The following DIP2A variants were observed in gnomAD, a reference collection of about 807,000 sequenced individuals.
DIP2A encodes the protein disco-interacting protein 2 homolog A.
Under a neutral mutation model 177.4 loss-of-function variants are expected in DIP2A, and 85 were observed. That is an observed-to-expected ratio of 0.48 (90% CI 0.40 to 0.57). The LOEUF is 0.57. Among genes scored for constraint, DIP2A ranks in the 20% least tolerant of loss-of-function variants. The probability of loss-of-function intolerance (pLI) is 0.00; values close to 1 mark genes in which losing one functional copy is unlikely to be tolerated. For synonymous variants in DIP2A, 886 were observed against 881.8 expected, an observed-to-expected ratio of 1.00 and a Z score of -0.08; for missense variants, 1,791 against 2,100.2, an observed-to-expected ratio of 0.85 and a Z score of 2.88.
At chr21:46,547,183 A>G (rs2060087400) in intron 21 of DIP2A, 141 bp downstream of exon 21, 15 of 1,432,372 alleles carry the variant, frequency 1.0e-5, no homozygotes, top group Non-Finnish European at 1.2e-5. Flanking sequence ...CTCCTAAAGT[A>G]AAAGGAAAAT....
At chr21:46,474,168 ACT>A (rs1250622606) in intron 1 of DIP2A, among the ~76,000 whole-genome samples, 2 of 152,062 alleles carry the variant, frequency 1.3e-5, no homozygotes, top group Non-Finnish European at 2.9e-5. Flanking sequence ...GTCTAGGGTG[ACT>A]CTGGAGTTTC....
rs975388284 is a variant in DIP2A at position 46,511,354 on chromosome 21, A to G, written c.905-63A>G. On this transcript the variant is annotated intron_variant, in intron 7 of 37. Coordinates refer to ENST00000417564, the MANE Select transcript of DIP2A (RefSeq NM_015151.4). ...ACAATATTATAAACTATGAATGCTT[A>G]AAAACAGAATGTGTTCGTGGTGCTC... 5 of 1,477,962 alleles carry G rather than the reference A, an allele frequency of 3.4e-6. No homozygotes were observed. The African/African-American group carries it at 7.1e-5, about 21-fold the overall frequency. 91.6% of individuals were successfully genotyped at this position (1,477,962 alleles called of 1,614,324 possible). A position where few individuals can be genotyped will look rare whatever the true frequency, so the allele number is the denominator to read the frequency against.
chr21:46,549,713 G>A, intron 21 of DIP2A, 58 bp from the exon 22 acceptor site: 2 of 1,601,494 alleles, frequency 1.2e-6, no homozygotes, highest in Middle Eastern at 1.7e-4. Context: ...GGGTGAGAAT[G>A]CATCTGTGTC....
intron 3 of DIP2A, among the ~76,000 whole-genome samples, chr21:46,492,147 C>CT (rs1018186518): frequency 1.3e-4 from 19 of 151,274 alleles, no homozygotes; most frequent in Admixed American, 2.6e-4. Flanking sequence ...AGTTTGTGAT[C>CT]TTTTTTTTTA....
At chr21:46,565,689 A>T in intron 35 of DIP2A, 24 bp from the exon 36 acceptor site, 2 of 1,600,586 alleles carry the variant, frequency 1.2e-6, no homozygotes. Flanking sequence ...AACACATCAC[A>T]TTCTTGTCCT....
In DIP2A at chr21:46,490,697, G is replaced by A. The variant is rs748566036; in HGVS notation, c.261G>A (p.Ser87=). ...AGCAGAAGTCTCGGCCCACCGCCTC[G>A]AGGGATGAGCGCTTCCGGTCAGGTA... ...PKQQKSRPTA[S]RDERFRSDVH... is the part of the protein sequence containing the mutation. Residue 87 remains serine (S), a synonymous_variant, in exon 3 of 38, where the codon TCG becomes TCA. Coordinates refer to ENST00000417564, the MANE Select transcript of DIP2A (RefSeq NM_015151.4). 12 of 1,584,900 alleles carry A rather than the reference G, an allele frequency of 7.6e-6. No individual in the cohort carries two copies. Among genetic ancestry groups the A allele is most frequent in the East Asian group, 2.3e-5 (1 of 43,384 alleles).
At chr21:46,555,021 C>G in intron 28 of DIP2A, 88 bp downstream of exon 28, 1 of 1,358,546 alleles carries the variant, frequency 7.4e-7, no homozygotes, top group Non-Finnish European at 1.0e-6. Context: ...CAAAAACACA[C>G]GTGAGGCAAG....
chr21:46,534,854 T>C (rs929148373), intron 13 of DIP2A, among the ~76,000 whole-genome samples, 167 bp downstream of exon 13: 3 of 152,172 alleles, frequency 2.0e-5, no homozygotes, highest in African/African-American at 2.4e-5. Context: ...TTTAGCATGC[T>C]TACAGGGTCT....
chr21:46,522,459 A>G (rs2058864072), intron 8 of DIP2A, among the ~76,000 whole-genome samples: 1 of 152,216 alleles, frequency 6.6e-6, no homozygotes, highest in Admixed American at 6.5e-5. Flanking sequence ...CCAAAAATCA[A>G]AGTTCTCATT....
chr21:46,472,297 A>G (rs968324973), intron 1 of DIP2A, among the ~76,000 whole-genome samples: 3 of 152,222 alleles, frequency 2.0e-5, no homozygotes, highest in Non-Finnish European at 4.4e-5. Flanking sequence ...GAACTGTGAG[A>G]AAATAAATGT....
At chr21:46,525,981 T>C (rs1237357627) in intron 8 of DIP2A, among the ~76,000 whole-genome samples, 1 of 151,442 alleles carries the variant, frequency 6.6e-6, no homozygotes, top group Non-Finnish European at 1.5e-5. Flanking sequence ...CAATCTCAGC[T>C]CACTGCAACC....
chr21:46,558,309 C>G lies in DIP2A; in HGVS notation c.3885C>G (p.Ser1295=). The change falls in exon 32 of 38, where the codon TCC becomes TCG. Residue 1295 remains serine (S), a synonymous_variant. Transcript: ENST00000417564. ...RPRIALTQSF[S]KLFKDLGLPA... The stretch of plus-strand genomic sequence containing the variant: ...GGATTGCGCTGACCCAGTCCTTCTC[C>G]AAGCTCTTCAAGGACCTGGGCCTGC... 6.2e-7 allele frequency: 1 copy of G among 1,606,998 alleles called. No homozygotes were observed. The highest frequency in any genetic ancestry group is 1.7e-4 in the Middle Eastern group (1 of 6,022).
chr21:46,579,737 T>A, the DIP2A span, among the ~76,000 whole-genome samples: 22 of 152,368 alleles, frequency 1.4e-4, no homozygotes, highest in Non-Finnish European at 2.6e-4. Flanking sequence ...GAGGAGGTTG[T>A]TCAGTTTCCA....
intron 1 of DIP2A, among the ~76,000 whole-genome samples, chr21:46,469,813 CTCAAGGGCATT>C (rs1232805604): frequency 1.1e-4 from 16 of 152,244 alleles, no homozygotes; most frequent in African/African-American, 3.9e-4. Flanking sequence ...CCCATTTTCC[CTCAAGGGCATT>C]TTCCCACATA....
chr21:46,558,643 ACT>A (rs1351622952), intron 32 of DIP2A: 5 of 535,666 alleles, frequency 9.3e-6, no homozygotes, highest in East Asian at 3.4e-5. Flanking sequence ...TAACTGTAAG[ACT>A]CTCTAAGTTA....
rs1307604170 is a variant in DIP2A, at chr21:46,539,990, A to G, written c.2035A>G (p.Arg679Gly). 1.2e-6 allele frequency: 2 copies of G among 1,612,832 alleles called. No individual in the cohort carries two copies. Among genetic ancestry groups the G allele is most frequent in the Non-Finnish European group, 1.7e-6 (2 of 1,178,842 alleles). Residue 679 changes from arginine to glycine, a missense_variant and splice_region_variant, in exon 17 of 38, where the codon AGG (arginine) becomes GGG (glycine). Arg to Gly is a moderately radical substitution (Grantham distance 125). Transcript: ENST00000417564. Reference sequence around the variant, plus strand: ...TGAGGCGCTGACTGTCGCCATCCGCAGGTAACCTTATTCCTTGCTATGTCT... The same window carrying G: ...TGAGGCGCTGACTGTCGCCATCCGCGGGTAACCTTATTCCTTGCTATGTCT... ...SPEALTVAIR[R>G]PPDLGGPPPR...
At chr21:46,551,391 C>T (rs1311682834) in intron 23 of DIP2A, among the ~76,000 whole-genome samples, 3 of 152,168 alleles carry the variant, frequency 2.0e-5, no homozygotes, top group Non-Finnish European at 2.9e-5. Context: ...GAGGCCAAAT[C>T]GTATCCTCTG....
At chr21:46,496,564 A>T (rs1274672833) in intron 3 of DIP2A, among the ~76,000 whole-genome samples, 3 of 152,216 alleles carry the variant, frequency 2.0e-5, no homozygotes, top group African/African-American at 7.2e-5. Flanking sequence ...ACGATAGCTG[A>T]TAAGCTAAAA....
chr21:46,531,502 C>T (rs944379486), intron 9 of DIP2A, among the ~76,000 whole-genome samples: 2 of 152,142 alleles, frequency 1.3e-5, no homozygotes, highest in South Asian at 2.1e-4. Flanking sequence ...TTTTATGCAA[C>T]GCTTTAGAAT....
Sources: gnomAD v4.1 joint callset for allele counts (sites outside exome capture counted in the v4.1 genomes callset) on GRCh38, gnomAD v4.1.1 for gene constraint, MANE v1.5 for transcripts, NCBI Gene and HGNC (gene_info 2026-07-23, HGNC 2026-07-21) for gene names.